STRAP: variants seen among roughly 807,000 people sequenced by gnomAD.
STRAP encodes the protein serine-threonine kinase receptor-associated protein.
In STRAP, 16 loss-of-function variants were observed where a neutral mutation model predicts 47.0. The observed-to-expected ratio is 0.34, with a 90% CI of 0.23 to 0.52. The LOEUF is 0.52. Among genes scored for constraint, STRAP ranks in the 20% least tolerant of loss-of-function variants. STRAP has a pLI of 0.96. For missense variants in STRAP, 293 were observed against 420.0 expected (o/e 0.70, Z 2.64); for synonymous variants, 130 against 142.7 (o/e 0.91, Z 0.63).
chr12:15,883,086 C>G (rs1385270145), intron 1 of STRAP: 32 of 1,535,568 alleles, frequency 2.1e-5, no homozygotes. Context: ...TTTGAAGGAG[C>G]TGGTCAGCAT....
Position 15,903,166 on chromosome 12 carries a change from G to A in STRAP, c.*188G>A. ...CCTGTAAGTGAAAACTCAAGTGTCA[G>A]ATGAAGGGAGGTGGAGTTATCCTCT... On this transcript the variant is annotated 3_prime_UTR_variant, in exon 10 of 10. Coordinates refer to ENST00000419869, the MANE Select transcript of STRAP (RefSeq NM_007178.4). The A allele has an allele frequency of 4.0e-6, 2 of 502,452 alleles. No homozygotes were observed. The highest frequency in any genetic ancestry group is 6.5e-6 in the Non-Finnish European group (2 of 305,568). 31.1% of individuals were successfully genotyped at this position (502,452 alleles called of 1,614,324 possible).
At chr12:15,882,937 A>T in intron 1 of STRAP, 118 bp downstream of exon 1, 1 of 1,338,666 alleles carries the variant, frequency 7.5e-7, no homozygotes, top group Non-Finnish European at 1.0e-6. Context: ...CGATATTAAC[A>T]TCTGAGATGA....
chr12:15,885,402 C>T (rs761749662), intron 2 of STRAP, among the ~76,000 whole-genome samples: 9 of 150,824 alleles, frequency 6.0e-5, no homozygotes, highest in Non-Finnish European at 1.0e-4. Context: ...TTGGCCAGGC[C>T]GGTCTCGAAC....
chr12:15,896,542 G>T lies in STRAP; in HGVS notation c.638+1046G>T, dbSNP rs1948061510. 2.1e-5 allele frequency among the ~76,000 whole-genome samples: 3 copies of T among 145,360 alleles called. No individual in the cohort carries two copies. The highest frequency in any genetic ancestry group is 4.3e-4 in the South Asian group (2 of 4,606). On this transcript the variant is annotated intron_variant, in intron 6 of 9. Coordinates refer to ENST00000419869, the MANE Select transcript of STRAP (RefSeq NM_007178.4). The surrounding 1 kb of genome is among the most constrained non-coding windows in gnomAD (Gnocchi z 4.1). ...ATATATGTGGGTGTACAGTATTTGT[G>T]TTTTTTTTTTTAATTACTAGGACCA...
chr12:15,894,834 G>A lies in STRAP; in HGVS notation c.501-525G>A, dbSNP rs984320599. Among the ~76,000 whole-genome samples, 3 of 152,148 alleles carry A rather than the reference G, an allele frequency of 2.0e-5. No individual in the cohort carries two copies. The highest frequency in any genetic ancestry group is 7.2e-5 in the African/African-American group (3 of 41,442). ...TCCCAAGTATTTTCAATTAAGGGAT[G>A]CTCACCTTGTGTATACAGACAGCAA... On this transcript the variant is annotated intron_variant, in intron 5 of 9. Transcript: ENST00000419869. This position sits in a 1 kb window ranked among gnomAD's most constrained non-coding sequence, Gnocchi z 4.9.
Position 15,902,970 on chromosome 12 carries a change from A to T in STRAP, c.1045A>T (p.Lys349Ter). ...DCIFPSAPDV[K>*]A is the part of the protein sequence containing the mutation. Reference sequence around the variant, plus strand: ...CATCTTTCCTTCAGCTCCTGATGTTAAGGCCTGAGCGTCAATCATATGTGC... The same window carrying T: ...CATCTTTCCTTCAGCTCCTGATGTTTAGGCCTGAGCGTCAATCATATGTGC... The change falls in exon 10 of 10, where the codon AAG becomes TAG. Residue 349 changes from lysine (K) to a stop codon, truncating the protein, a stop_gained. Coordinates refer to ENST00000419869, the MANE Select transcript of STRAP (RefSeq NM_007178.4). LOFTEE classifies it high-confidence loss of function. 6.9e-7 allele frequency: 1 copy of T among 1,449,358 alleles called. No individual in the cohort carries two copies. The allele number at this position is 1,449,358 out of a possible 1,614,324, so 89.8% of individuals were successfully genotyped here.
At chr12:15,883,093 G>A (rs1269134356) in intron 1 of STRAP, 2 of 1,535,572 alleles carry the variant, frequency 1.3e-6, no homozygotes, top group Admixed American at 3.9e-5. Flanking sequence ...GAGCTGGTCA[G>A]CATTTGCCTA....
At position 15,896,661 on chromosome 12, in the gene STRAP, A is replaced by C. The variant is rs1367576642; in HGVS notation, c.638+1165A>C. ...ACTTGATACACTGTATTTGCATCAT[A>C]GGTTGTACTAAATTATGGGTTAGTT... On this transcript the variant is annotated intron_variant, in intron 6 of 9. Transcript: ENST00000419869. The surrounding 1 kb of genome is among the most constrained non-coding windows in gnomAD (Gnocchi z 4.1). 6.6e-6 allele frequency among the ~76,000 whole-genome samples: 1 copy of C among 152,166 alleles called. No homozygotes were observed. Among genetic ancestry groups the C allele is most frequent in the Non-Finnish European group, 1.5e-5 (1 of 68,026 alleles).
chr12:15,885,277 C>G (rs1947960923), intron 2 of STRAP, among the ~76,000 whole-genome samples: 1 of 150,864 alleles, frequency 6.6e-6, no homozygotes, highest in South Asian at 2.1e-4. Context: ...CAACCTCCAC[C>G]TCCCGGGTTC....
chr12:15,891,942 A>G (rs1248364611), intron 4 of STRAP, among the ~76,000 whole-genome samples: 2 of 149,096 alleles, frequency 1.3e-5, no homozygotes, highest in African/African-American at 5.2e-5. Flanking sequence ...CCTTCTCAAA[A>G]AGAAAAAAAA....
In STRAP at chr12:15,887,403, A is replaced by T. The variant is rs1947980801; in HGVS notation, c.249-2525A>T. ...TTGGAGGGTTAGCTGCTGAAAGGGT[A>T]TTGTTAATAGCGCTTTACTGTCTTG... On this transcript the variant is annotated intron_variant, in intron 2 of 9. Transcript: ENST00000419869. This position sits in a 1 kb window ranked among gnomAD's most constrained non-coding sequence, Gnocchi z 5.5. Among the ~76,000 whole-genome samples the T allele has an allele frequency of 6.6e-6, 1 of 152,176 alleles. No individual in the cohort carries two copies. Among genetic ancestry groups the T allele is most frequent in the South Asian group, 2.1e-4 (1 of 4,836 alleles).
In STRAP at chr12:15,882,426, A is replaced by G. The variant is rs1947928159; in HGVS notation, c.-282A>G. ...GCCGATGCCGGTGTGGACGCTGTGA[A>G]TCGTGGCTGGCCCGGTTCTCCGCTT... On this transcript the variant is annotated 5_prime_UTR_variant, in exon 1 of 10. Transcript: ENST00000419869. 2.0e-6 allele frequency: 1 copy of G among 492,710 alleles called. No homozygotes were observed. Among genetic ancestry groups the G allele is most frequent in the Admixed American group, 3.6e-5 (1 of 28,166 alleles). 30.5% of individuals were successfully genotyped at this position (492,710 alleles called of 1,614,324 possible).
Position 15,902,953 on chromosome 12 carries a change from C to T in STRAP, c.1028C>T (p.Pro343Leu). The change falls in exon 10 of 10, where the codon CCT (proline) becomes CTT (leucine). Residue 343 changes from proline (P) to leucine (L), a missense_variant. Around this residue, in one of 5 missense-constraint regions of STRAP, gnomAD observed 52 missense variants for 45.0 expected, o/e 1.16. Coordinates refer to ENST00000419869, the MANE Select transcript of STRAP (RefSeq NM_007178.4). ...TCAGAGAATTCAGATTGCATCTTTC[C>T]TTCAGCTCCTGATGTTAAGGCCTGA... ...IASENSDCIF[P>L]SAPDVKA The T allele has an allele frequency of 1.3e-6, 2 of 1,501,364 alleles. No homozygotes were observed. The highest frequency in any genetic ancestry group is 1.8e-6 in the Non-Finnish European group (2 of 1,136,378). The allele number at this position is 1,501,364 out of a possible 1,614,324, so 93.0% of individuals were successfully genotyped here.
At position 15,894,147 on chromosome 12, in the gene STRAP, A is replaced by G. The variant is rs779304642; in HGVS notation, c.500+4A>G. 8.7e-6 allele frequency: 14 copies of G among 1,610,122 alleles called. No homozygotes were observed. The Admixed American group carries it at 2.2e-4, about 25-fold the overall frequency. Reference sequence around the variant, plus strand: ...CTGCTGATGACAAAACTGTTCGGTAAGTAATTTTTCTTTAATAATTTACAA... The same window carrying G: ...CTGCTGATGACAAAACTGTTCGGTAGGTAATTTTTCTTTAATAATTTACAA... On this transcript the variant is annotated splice_donor_region_variant and intron_variant, in intron 5 of 9. Coordinates refer to ENST00000419869, the MANE Select transcript of STRAP (RefSeq NM_007178.4). This position sits in a 1 kb window ranked among gnomAD's most constrained non-coding sequence, Gnocchi z 4.9.
rs541924214 is a variant in STRAP, at chr12:15,903,382, A to G, written c.*404A>G. ...TTCAGTTGTAAAGAAGAGGGAATAC[A>G]TGATAAAGTAACTGGTTTGATTTCT... On this transcript the variant is annotated 3_prime_UTR_variant, in exon 10 of 10. Coordinates refer to ENST00000419869, the MANE Select transcript of STRAP (RefSeq NM_007178.4). The G allele has an allele frequency of 6.5e-6, 1 of 154,238 alleles. No homozygotes were observed. Among genetic ancestry groups the G allele is most frequent in the East Asian group, 1.9e-4 (1 of 5,264 alleles). The allele number at this position is 154,238 out of a possible 1,614,324, so 9.6% of individuals were successfully genotyped here.
chr12:15,892,186 A>G (rs1277527933), intron 4 of STRAP, among the ~76,000 whole-genome samples: 1 of 152,034 alleles, frequency 6.6e-6, no homozygotes, highest in Admixed American at 6.6e-5. Flanking sequence ...TTGCCTGTCT[A>G]CCTTTTGTCC....
intron 1 of STRAP, 156 bp downstream of exon 1, chr12:15,882,975 G>A: frequency 7.2e-7 from 1 of 1,383,358 alleles, no homozygotes; most frequent in South Asian, 1.2e-5. Flanking sequence ...GTGGAGAAAG[G>A]AGTGTGTTAG....
chr12:15,901,569 T>C (rs1417379767), intron 9 of STRAP, among the ~76,000 whole-genome samples: 1 of 152,206 alleles, frequency 6.6e-6, no homozygotes, highest in Non-Finnish European at 1.5e-5. Flanking sequence ...CCTCATTTGC[T>C]GTATTAGGAC....
At chr12:15,900,574 T>C (rs1042148102) in intron 8 of STRAP, among the ~76,000 whole-genome samples, 3 of 152,184 alleles carry the variant, frequency 2.0e-5, no homozygotes, top group African/African-American at 7.2e-5. Flanking sequence ...CCTAAATTTT[T>C]ATACTAGCAC....
Sources: gnomAD v4.1 joint callset for allele counts (sites outside exome capture counted in the v4.1 genomes callset) on GRCh38, gnomAD v4.1.1 for gene constraint, gnomAD v4.1.1 regional missense constraint, Gnocchi (gnomAD v3.1) non-coding constraint, MANE v1.5 for transcripts, NCBI Gene and HGNC (gene_info 2026-07-23, HGNC 2026-07-21) for gene names.